The following AUTS2 variants were observed in gnomAD, a reference collection of about 807,000 sequenced individuals.
The protein encoded by AUTS2 is autism susceptibility gene 2 protein.
AUTS2 carries 17 observed loss-of-function variants against 112.4 expected under a neutral mutation model. That is an observed-to-expected ratio of 0.15 (90% CI 0.10 to 0.23). The LOEUF (loss-of-function observed/expected upper bound fraction) is 0.23. Among genes scored for constraint, AUTS2 ranks in the 10% least tolerant of loss-of-function variants. The pLI, the probability that AUTS2 is intolerant of heterozygous loss-of-function variation, is 1.00. For missense variants in AUTS2, 1,510 were observed against 1,701.6 expected, an observed-to-expected ratio of 0.89 and a Z score of 1.98; for synonymous variants, 751 against 702.7, an observed-to-expected ratio of 1.07 and a Z score of -1.09.
At chr7:70,519,306 G>A (rs538493636) in intron 5 of AUTS2, among the ~76,000 whole-genome samples, 1 of 152,290 alleles carries the variant, frequency 6.6e-6, no homozygotes, top group African/African-American at 2.4e-5. Context: ...TGAAAGGATA[G>A]GATTAATGTG....
At chr7:69,999,755 C>A (rs984148035) in intron 2 of AUTS2, among the ~76,000 whole-genome samples, 2 of 152,140 alleles carry the variant, frequency 1.3e-5, no homozygotes, top group African/African-American at 4.8e-5. Flanking sequence ...CTGCCACACA[C>A]ACACACAAAG....
chr7:70,158,999 T>C (rs1236693899), intron 4 of AUTS2, among the ~76,000 whole-genome samples: 2 of 152,188 alleles, frequency 1.3e-5, no homozygotes, highest in Non-Finnish European at 2.9e-5. Context: ...TTCAGGAAAC[T>C]CTTGATAAAC....
At chr7:70,565,257 T>C (rs1312273113) in intron 5 of AUTS2, among the ~76,000 whole-genome samples, 1 of 152,124 alleles carries the variant, frequency 6.6e-6, no homozygotes, top group Non-Finnish European at 1.5e-5. Flanking sequence ...GTGGGAGTAG[T>C]GGGAATGGGT....
chr7:69,913,950 A>T (rs530874796), intron 2 of AUTS2, among the ~76,000 whole-genome samples: 1 of 152,182 alleles, frequency 6.6e-6, no homozygotes, highest in East Asian at 1.9e-4. Flanking sequence ...GAATGATGAG[A>T]TCCTTCTAGT....
At chr7:69,808,326 T>A (rs908899948) in intron 1 of AUTS2, among the ~76,000 whole-genome samples, 6 of 152,202 alleles carry the variant, frequency 3.9e-5, no homozygotes, top group Admixed American at 2.0e-4. Context: ...TCTCTGGGTA[T>A]AGTAATTTTC....
chr7:70,027,459 G>T (rs1800572392), intron 2 of AUTS2, among the ~76,000 whole-genome samples: 1 of 152,078 alleles, frequency 6.6e-6, no homozygotes, highest in Non-Finnish European at 1.5e-5. Flanking sequence ...TCTTCATCCA[G>T]CCCCTATGTC....
At chr7:70,166,867 C>T (rs980246384) in intron 4 of AUTS2, among the ~76,000 whole-genome samples, 1 of 152,016 alleles carries the variant, frequency 6.6e-6, no homozygotes, top group African/African-American at 2.4e-5. Flanking sequence ...TGCAAAAAAC[C>T]CATTTTAAAT....
intron 4 of AUTS2, among the ~76,000 whole-genome samples, chr7:70,334,321 G>C (rs1790893289): frequency 6.6e-6 from 1 of 152,148 alleles, no homozygotes; most frequent in Non-Finnish European, 1.5e-5. Context: ...TTTGTCAAAG[G>C]CTTTCTTGCA....
chr7:69,853,309 A>AT (rs143189569), intron 1 of AUTS2, among the ~76,000 whole-genome samples: 12,383 of 151,990 alleles, frequency 0.081, 599 homozygotes, highest in East Asian at 0.13. Context: ...TTACAACTCC[A>AT]TTTTTTTGCC....
intron 2 of AUTS2, among the ~76,000 whole-genome samples, chr7:69,941,261 T>C (rs532547386): frequency 2.4e-4 from 37 of 151,982 alleles, no homozygotes; most frequent in African/African-American, 8.7e-4. Flanking sequence ...TCAGCAGCAC[T>C]GCACAACAGT....
chr7:70,504,337 G>T (rs77039158), intron 5 of AUTS2, among the ~76,000 whole-genome samples: 7,066 of 151,704 alleles, frequency 0.047, 298 homozygotes, highest in Non-Finnish European at 0.061. Context: ...TCACACCTTT[G>T]CCACACAATC....
intron 2 of AUTS2, among the ~76,000 whole-genome samples, chr7:69,901,210 C>G (rs907415852): frequency 2.6e-5 from 4 of 152,070 alleles, no homozygotes; most frequent in Non-Finnish European, 5.9e-5. Flanking sequence ...CTAACTCATG[C>G]CTCTGTGTGA....
intron 4 of AUTS2, among the ~76,000 whole-genome samples, chr7:70,289,439 G>C (rs187010557): frequency 4.5e-4 from 69 of 152,310 alleles, no homozygotes; most frequent in Admixed American, 1.1e-3. Context: ...CCTTCTGTGT[G>C]GAAGGTACTG....
chr7:69,863,253 A>G (rs966444306), intron 1 of AUTS2, among the ~76,000 whole-genome samples: 6 of 152,212 alleles, frequency 3.9e-5, no homozygotes, highest in African/African-American at 1.4e-4. Flanking sequence ...CCTTCTCATT[A>G]TTCCCTAAAC....
At chr7:69,973,272 G>A (rs1347196745) in intron 2 of AUTS2, among the ~76,000 whole-genome samples, 1 of 152,040 alleles carries the variant, frequency 6.6e-6, no homozygotes, top group Non-Finnish European at 1.5e-5. Context: ...TTCAAATGTT[G>A]TTTTTTGTAT....
chr7:70,740,373 T>G (rs1036148246), intron 6 of AUTS2, among the ~76,000 whole-genome samples: 1 of 152,224 alleles, frequency 6.6e-6, no homozygotes, highest in African/African-American at 2.4e-5. Context: ...TGGAGATTCA[T>G]ATTCTGTCAT....
intron 4 of AUTS2, among the ~76,000 whole-genome samples, chr7:70,309,363 G>T (rs1392184332): frequency 6.6e-6 from 1 of 152,172 alleles, no homozygotes; most frequent in Non-Finnish European, 1.5e-5. Flanking sequence ...TTCTCTAATA[G>T]AGTTAGGTCA....
At chr7:69,867,093 G>A (rs1175083533) in intron 1 of AUTS2, among the ~76,000 whole-genome samples, 3 of 152,178 alleles carry the variant, frequency 2.0e-5, no homozygotes, top group Admixed American at 6.5e-5. Flanking sequence ...GGTGTGTCTC[G>A]TAAAGAGGAT....
chr7:70,400,609 CCATGCCAAGCCGTGAAGAT>C (rs1478535827), intron 4 of AUTS2, among the ~76,000 whole-genome samples: 1 of 152,136 alleles, frequency 6.6e-6, no homozygotes, highest in Admixed American at 6.5e-5. Context: ...TGATGTGCGA[CCATGCCAAGCCGTGAAGAT>C]TGGCTGGATT....
Sources: gnomAD v4.1 joint callset for allele counts (sites outside exome capture counted in the v4.1 genomes callset) on GRCh38, gnomAD v4.1.1 for gene constraint, MANE v1.5 for transcripts, NCBI Gene and HGNC (gene_info 2026-07-23, HGNC 2026-07-21) for gene names.